EPHX4: variants seen among roughly 807,000 people sequenced by gnomAD.
The protein encoded by EPHX4 is epoxide hydrolase 4.
A neutral mutation model predicts 44.9 loss-of-function variants in EPHX4; 31 were observed. The observed-to-expected ratio is 0.69, with a 90% confidence interval of 0.52 to 0.93. The LOEUF (loss-of-function observed/expected upper bound fraction) is 0.93. EPHX4 is among the 40% of genes least tolerant of loss of function. EPHX4 has a pLI of 0.00. For synonymous variants in EPHX4, 151 were observed against 159.7 expected (o/e 0.95, Z 0.41); for missense variants, 373 against 438.1 (o/e 0.85, Z 1.33).
At chr1:92,037,245 C>G (rs1318166176) in intron 2 of EPHX4, among the ~76,000 whole-genome samples, 1 of 152,108 alleles carries the variant, frequency 6.6e-6, no homozygotes, top group Non-Finnish European at 1.5e-5. Flanking sequence ...TGTGAAAGTG[C>G]TTTGTAAACA....
At chr1:92,058,455 A>C (rs1217173393) in intron 6 of EPHX4, among the ~76,000 whole-genome samples, 1 of 152,084 alleles carries the variant, frequency 6.6e-6, no homozygotes, top group Non-Finnish European at 1.5e-5. Flanking sequence ...AAAAAAAAAA[A>C]AAATCCATTA....
intron 6 of EPHX4, among the ~76,000 whole-genome samples, chr1:92,053,754 C>G (rs1369689287): frequency 6.6e-6 from 1 of 151,998 alleles, no homozygotes; most frequent in African/African-American, 2.4e-5. Context: ...GATAAGCATG[C>G]CATTTACTGA....
chr1:92,035,718 G>A (rs1030028837), intron 2 of EPHX4, among the ~76,000 whole-genome samples: 1 of 152,120 alleles, frequency 6.6e-6, no homozygotes, highest in Non-Finnish European at 1.5e-5. Flanking sequence ...CCGTCATGTA[G>A]GTATTAAGTC....
At chr1:92,049,201 G>A (rs1027871681) in intron 4 of EPHX4, among the ~76,000 whole-genome samples, 15 of 151,812 alleles carry the variant, frequency 9.9e-5, no homozygotes, top group Admixed American at 9.8e-4. Context: ...AGCAACAAAG[G>A]CCTTTCTGCA....
Position 92,032,516 on chromosome 1 carries a change from A to G in EPHX4, c.243A>G (p.Leu81=), listed in dbSNP as rs1688376636. Reference sequence around the variant, plus strand: ...CCCTCTACTTTCAGGATTCAGGGTTAAGATTTCACTATGTTGCTGCTGGAG... The same window carrying G: ...CCCTCTACTTTCAGGATTCAGGGTTGAGATTTCACTATGTTGCTGCTGGAG... ...HCYVRIKDSG[L]RFHYVAAGER... The change falls in exon 2 of 7, where the codon TTA becomes TTG. Residue 81 remains leucine, a synonymous_variant. Coordinates refer to ENST00000370383, the MANE Select transcript of EPHX4 (RefSeq NM_173567.5). The G allele has an allele frequency of 1.2e-6, 2 of 1,613,782 alleles. No individual in the cohort carries two copies. Among genetic ancestry groups the G allele is most frequent in the Admixed American group, 3.3e-5 (2 of 60,004 alleles).
At chr1:92,049,952 A>G (rs1270946141) in intron 4 of EPHX4, among the ~76,000 whole-genome samples, 1 of 151,966 alleles carries the variant, frequency 6.6e-6, no homozygotes, top group Non-Finnish European at 1.5e-5. Context: ...ACAAAAAATT[A>G]GCCGGGCTCG....
At chr1:92,062,071 A>C (rs539371871) in intron 6 of EPHX4, among the ~76,000 whole-genome samples, 2 of 152,226 alleles carry the variant, frequency 1.3e-5, no homozygotes, top group African/African-American at 4.8e-5. Context: ...ATATATACAC[A>C]ACAAAAACTT....
At chr1:92,056,461 G>C (rs1393324101) in intron 6 of EPHX4, among the ~76,000 whole-genome samples, 3 of 151,862 alleles carry the variant, frequency 2.0e-5, no homozygotes, top group African/African-American at 7.3e-5. Context: ...AGTCTTACAA[G>C]AAAAAATGGA....
At chr1:92,051,647 G>T (rs1193387352) in intron 5 of EPHX4, among the ~76,000 whole-genome samples, 1 of 152,056 alleles carries the variant, frequency 6.6e-6, no homozygotes, top group Non-Finnish European at 1.5e-5. Context: ...TTAATAGGTG[G>T]TGCTGTGTAT....
intron 2 of EPHX4, among the ~76,000 whole-genome samples, chr1:92,037,804 T>G (rs1165877002): frequency 6.6e-6 from 1 of 152,206 alleles, no homozygotes; most frequent in Non-Finnish European, 1.5e-5. Flanking sequence ...TACCTAAAGC[T>G]ACCAGAAAAA....
chr1:92,030,490 G>GTGTGT (rs1383490491), intron 1 of EPHX4, among the ~76,000 whole-genome samples, 180 bp downstream of exon 1: 1 of 127,664 alleles, frequency 7.8e-6, no homozygotes, highest in Non-Finnish European at 1.7e-5. Context: ...GTGTGTGAGA[G>GTGTGT]AGAGAGAGAG....
At chr1:92,046,331 T>C (rs1203205636) in intron 4 of EPHX4, among the ~76,000 whole-genome samples, 1 of 152,216 alleles carries the variant, frequency 6.6e-6, no homozygotes, top group Non-Finnish European at 1.5e-5. Flanking sequence ...TGCATTGAAG[T>C]ATGTGAGGAA....
intron 6 of EPHX4, among the ~76,000 whole-genome samples, chr1:92,061,232 T>C (rs1051395734): frequency 2.0e-5 from 3 of 152,136 alleles, no homozygotes; most frequent in Admixed American, 6.6e-5. Context: ...TTTCTATCAA[T>C]TTACCCATTT....
intron 6 of EPHX4, among the ~76,000 whole-genome samples, chr1:92,052,954 G>A (rs1267668453): frequency 6.6e-6 from 1 of 152,000 alleles, no homozygotes; most frequent in Non-Finnish European, 1.5e-5. Flanking sequence ...CTTTTTAAAT[G>A]ATGATTTATT....
intron 5 of EPHX4, among the ~76,000 whole-genome samples, chr1:92,051,247 TAA>T (rs561021774): frequency 0.024 from 3,450 of 143,594 alleles, 135 homozygotes; most frequent in African/African-American, 0.082. Context: ...GATAAGAACT[TAA>T]AAAAAAAAAA....
intron 2 of EPHX4, among the ~76,000 whole-genome samples, chr1:92,040,708 A>G (rs995368533): frequency 2.6e-5 from 4 of 151,616 alleles, no homozygotes; most frequent in Non-Finnish European, 4.4e-5. Context: ...TGATCTGCCC[A>G]CCTTGGCCTC....
At chr1:92,058,601 C>T (rs1647423224) in intron 6 of EPHX4, among the ~76,000 whole-genome samples, 1 of 152,022 alleles carries the variant, frequency 6.6e-6, no homozygotes, top group African/African-American at 2.4e-5. Context: ...GAGTGGACCT[C>T]AGAGAGGTGG....
Position 92,056,363 on chromosome 1 carries a change from T to G in EPHX4, c.857+3705T>G, listed in dbSNP as rs1364697908. Among the ~76,000 whole-genome samples the G allele has an allele frequency of 2.6e-5, 4 of 152,098 alleles. No individual in the cohort carries two copies. The East Asian group carries it at 7.7e-4, about 29-fold the overall frequency. On this transcript the variant is annotated intron_variant, in intron 6 of 6. Transcript: ENST00000370383. ...TTGGAACTGAGGAACCAGGATGAAC[T>G]AGGAATAAGACTAGCTATAGAACCT... is the stretch of plus-strand genomic sequence containing the variant.
Position 92,063,373 on chromosome 1 carries a change from G to GA in EPHX4, c.*94dup, listed in dbSNP as rs990815543. ...TCATCAACTTCTTTATGTTTTATTA[G>GA]AAAAAAACTGTTTTAATGTGCTTTA... is the stretch of plus-strand genomic sequence containing the variant. On this transcript the variant is annotated 3_prime_UTR_variant, in exon 7 of 7. Transcript: ENST00000370383. The GA allele has an allele frequency of 3.9e-6, 4 of 1,034,522 alleles. No homozygotes were observed. Among genetic ancestry groups the GA allele is most frequent in the Admixed American group, 2.9e-5 (1 of 33,936 alleles). 64.1% of individuals were successfully genotyped at this position (1,034,522 alleles called of 1,614,324 possible). A position where few individuals can be genotyped will look rare whatever the true frequency, so the allele number is the denominator to read the frequency against.
Sources: gnomAD v4.1 joint callset for allele counts (sites outside exome capture counted in the v4.1 genomes callset) on GRCh38, gnomAD v4.1.1 for gene constraint, MANE v1.5 for transcripts, NCBI Gene and HGNC (gene_info 2026-07-23, HGNC 2026-07-21) for gene names.